The following FHIT variants were observed in gnomAD, a reference collection of about 807,000 sequenced individuals.
FHIT encodes the protein bis(5'-adenosyl)-triphosphatase.
FHIT carries 19 observed loss-of-function variants against 17.9 expected under a neutral mutation model. That is an observed-to-expected ratio of 1.06 (90% CI 0.74 to 1.56). The LOEUF (loss-of-function observed/expected upper bound fraction) is 1.56, where lower values mean the gene tolerates loss of function less well. FHIT is among the 40% of genes most tolerant of loss of function. FHIT has a pLI of 0.00. For synonymous variants in FHIT, 81 were observed against 69.7 expected, an observed-to-expected ratio of 1.16 and a Z score of -0.81; for missense variants, 248 against 189.2, an observed-to-expected ratio of 1.31 and a Z score of -1.82.
At chr3:60,988,551 AC>A (rs1398264148) in intron 3 of FHIT, among the ~76,000 whole-genome samples, 1 of 152,188 alleles carries the variant, frequency 6.6e-6, no homozygotes, top group Non-Finnish European at 1.5e-5. Flanking sequence ...TCCAGAGGAG[AC>A]CATATTCCAG....
intron 5 of FHIT, among the ~76,000 whole-genome samples, chr3:60,109,835 T>G (rs1704592903): frequency 6.6e-6 from 1 of 152,208 alleles, no homozygotes; most frequent in African/African-American, 2.4e-5. Flanking sequence ...AGTTGGCTAC[T>G]GACCCACAGT....
chr3:59,755,698 G>A (rs1701179078), intron 8 of FHIT, among the ~76,000 whole-genome samples: 1 of 152,138 alleles, frequency 6.6e-6, no homozygotes, highest in Non-Finnish European at 1.5e-5. Context: ...GTTCTCCTGG[G>A]GCACCCAGGT....
chr3:60,458,659 TA>T, intron 5 of FHIT, among the ~76,000 whole-genome samples: 1 of 152,250 alleles, frequency 6.6e-6, no homozygotes, highest in Middle Eastern at 3.4e-3. Context: ...TTTAGGTTTT[TA>T]TGCCCATCTG....
At chr3:60,216,563 A>G (rs1703707766) in intron 5 of FHIT, among the ~76,000 whole-genome samples, 1 of 152,150 alleles carries the variant, frequency 6.6e-6, no homozygotes, top group Non-Finnish European at 1.5e-5. Context: ...TTAGAAAATG[A>G]TTCATTTTAC....
intron 5 of FHIT, among the ~76,000 whole-genome samples, chr3:60,321,317 A>T (rs779465910): frequency 6.6e-6 from 1 of 152,026 alleles, no homozygotes; most frequent in African/African-American, 2.4e-5. Context: ...CCATCTCTAA[A>T]ATACAAAAAA....
intron 3 of FHIT, among the ~76,000 whole-genome samples, chr3:60,903,964 C>T (rs1706256558): frequency 6.6e-6 from 1 of 152,176 alleles, no homozygotes; most frequent in African/African-American, 2.4e-5. Context: ...TAGCCCTTTT[C>T]AAAAGCTGAG....
At chr3:59,803,428 A>C (rs1700077650) in intron 8 of FHIT, among the ~76,000 whole-genome samples, 1 of 152,162 alleles carries the variant, frequency 6.6e-6, no homozygotes, top group Admixed American at 6.5e-5. Context: ...TTCCATGGAG[A>C]AGAGACCTCC....
intron 8 of FHIT, among the ~76,000 whole-genome samples, chr3:59,790,182 G>A (rs1386992493): frequency 6.6e-6 from 1 of 152,160 alleles, no homozygotes; most frequent in Non-Finnish European, 1.5e-5. Flanking sequence ...CAATAATAGG[G>A]CCAGTAGTTT....
Position 60,528,408 on chromosome 3 carries a change from T to C in FHIT, c.103+8452A>G, listed in dbSNP as rs561486586. ...CTGCCACAGTTACCCCAAACACATA[T>C]ACAAAAGGAAAAGAAAGGAAGGAAG... On this transcript the variant is annotated intron_variant, in intron 5 of 9. Transcript: ENST00000492590. Among the ~76,000 whole-genome samples, 6 of 151,496 alleles carry C rather than the reference T, an allele frequency of 4.0e-5. No homozygotes were observed. In the East Asian group the frequency reaches 1.2e-3, roughly 29 times the overall value.
chr3:60,720,648 G>A (rs542715350), intron 4 of FHIT, among the ~76,000 whole-genome samples: 3 of 152,154 alleles, frequency 2.0e-5, no homozygotes, highest in Non-Finnish European at 4.4e-5. Flanking sequence ...AGAATCTCTA[G>A]GTGGTGGGAC....
At chr3:61,191,631 G>A (rs77298538) in intron 2 of FHIT, among the ~76,000 whole-genome samples, 1,835 of 152,246 alleles carry the variant, frequency 0.012, 41 homozygotes, top group African/African-American at 0.042. Context: ...CTCAAGGGAA[G>A]GTGAGATTAT....
intron 5 of FHIT, among the ~76,000 whole-genome samples, chr3:60,279,649 C>G (rs1021670660): frequency 4.6e-5 from 7 of 152,086 alleles, no homozygotes; most frequent in African/African-American, 1.7e-4. Context: ...CGCTCGTGAA[C>G]ATGATATAAA....
At chr3:60,889,676 G>T (rs1202276687) in intron 3 of FHIT, among the ~76,000 whole-genome samples, 1 of 152,092 alleles carries the variant, frequency 6.6e-6, no homozygotes, top group African/African-American at 2.4e-5. Context: ...AGCTGTATGG[G>T]TGGTTCATTT....
chr3:60,011,850 G>A (rs943226688), intron 6 of FHIT, among the ~76,000 whole-genome samples: 1 of 152,134 alleles, frequency 6.6e-6, no homozygotes, highest in Non-Finnish European at 1.5e-5. Flanking sequence ...AGAGTCCTCT[G>A]GCTATTCTGA....
intron 4 of FHIT, among the ~76,000 whole-genome samples, chr3:60,795,432 T>C (rs1325477988): frequency 1.3e-5 from 2 of 152,174 alleles, no homozygotes; most frequent in Non-Finnish European, 2.9e-5. Flanking sequence ...GATTTTCAGT[T>C]ACTTTTGCAA....
At chr3:60,352,730 C>A (rs1035064596) in intron 5 of FHIT, among the ~76,000 whole-genome samples, 1 of 152,230 alleles carries the variant, frequency 6.6e-6, no homozygotes, top group East Asian at 1.9e-4. Flanking sequence ...CTAGGCTGAT[C>A]TCAAACTCCT....
intron 8 of FHIT, among the ~76,000 whole-genome samples, chr3:59,816,064 T>C (rs1459051120): frequency 6.6e-6 from 1 of 152,142 alleles, no homozygotes; most frequent in East Asian, 1.9e-4. Context: ...TGACAAAAAC[T>C]ACAAAGAAAG....
At chr3:60,046,995 G>A (rs1701679830) in intron 5 of FHIT, among the ~76,000 whole-genome samples, 1 of 152,182 alleles carries the variant, frequency 6.6e-6, no homozygotes, top group South Asian at 2.1e-4. Flanking sequence ...AATATTAAGT[G>A]CCCACTTTTA....
At chr3:59,925,246 G>A (rs1212719569) in intron 7 of FHIT, among the ~76,000 whole-genome samples, 1 of 152,044 alleles carries the variant, frequency 6.6e-6, no homozygotes, top group African/African-American at 2.4e-5. Context: ...TGGGACTACA[G>A]GTGCATGCTA....
Sources: gnomAD v4.1 joint callset for allele counts (sites outside exome capture counted in the v4.1 genomes callset) on GRCh38, gnomAD v4.1.1 for gene constraint, MANE v1.5 for transcripts, NCBI Gene and HGNC (gene_info 2026-07-23, HGNC 2026-07-21) for gene names.